UBE2K: variants seen among roughly 807,000 people sequenced by gnomAD.
UBE2K encodes ubiquitin conjugating enzyme E2 K.
A neutral mutation model predicts 30.0 loss-of-function variants in UBE2K; 6 were observed. The observed-to-expected ratio is 0.20, with a 90% confidence interval of 0.11 to 0.39. The LOEUF is 0.39. Ranked by LOEUF, UBE2K falls within the 10% of genes least tolerant of loss-of-function variation. The pLI, the probability that UBE2K is intolerant of heterozygous loss-of-function variation, is 1.00. For synonymous variants in UBE2K, 86 were observed against 83.7 expected (o/e 1.03, Z -0.15); for missense variants, 61 against 241.6 (o/e 0.25, Z 4.96).
chr4:39,741,934 TATC>T (rs1443625313), intron 2 of UBE2K, among the ~76,000 whole-genome samples: 2 of 152,114 alleles, frequency 1.3e-5, no homozygotes, highest in Non-Finnish European at 2.9e-5. Flanking sequence ...ATAATATAGT[TATC>T]ATAAGGATTC....
At chr4:39,755,611 GT>G in intron 3 of UBE2K, 45 bp from the exon 4 acceptor site, 1 of 1,378,502 alleles carries the variant, frequency 7.3e-7, no homozygotes, top group African/African-American at 1.4e-5. Flanking sequence ...TACTTAAACT[GT>G]TTTATTTCTG....
rs373655249 is a variant in UBE2K, at chr4:39,770,538, A to G, written c.300-4296A>G. ...GCTGCCCCCCGCCCCCCGGGCAACC[A>G]TGGCCGCCGCTGCTGCTTCCACCAG... On this transcript the variant is annotated intron_variant, in intron 4 of 6. Transcript: ENST00000261427. The G allele has an allele frequency of 4.5e-5, 72 of 1,598,750 alleles. No homozygotes were observed. The African/African-American group carries it at 8.6e-4, about 19-fold the overall frequency.
chr4:39,716,172 G>T (rs1719046672), intron 1 of UBE2K, among the ~76,000 whole-genome samples: 1 of 152,070 alleles, frequency 6.6e-6, no homozygotes, highest in Non-Finnish European at 1.5e-5. Context: ...CTTGTCTCTG[G>T]AATGTTTGTT....
intron 2 of UBE2K, among the ~76,000 whole-genome samples, chr4:39,740,206 G>A (rs776556855): frequency 7.2e-5 from 11 of 151,796 alleles, no homozygotes; most frequent in Non-Finnish European, 1.3e-4. Flanking sequence ...AAGTATTTTT[G>A]GAAGATAGTA....
At chr4:39,742,185 A>G (rs1275072520) in intron 2 of UBE2K, among the ~76,000 whole-genome samples, 6 of 136,350 alleles carry the variant, frequency 4.4e-5, no homozygotes, top group Admixed American at 4.3e-4. Context: ...GTTTAATCAG[A>G]AAAAAAAAAT....
At position 39,752,290 on chromosome 4, in the gene UBE2K, G is replaced by A. The variant is rs535960120; in HGVS notation, c.217-3367G>A. Among the ~76,000 whole-genome samples the A allele has an allele frequency of 3.2e-4, 47 of 145,964 alleles. 1 individual carries two copies. The South Asian group carries it at 9.8e-3, about 31-fold the overall frequency. ...GACTGCAGTAGCTGGGACTACAGGC[G>A]CCCGCCATCACGCCTGGCTAATTTT... On this transcript the variant is annotated intron_variant, in intron 3 of 6. Transcript: ENST00000261427.
intron 2 of UBE2K, among the ~76,000 whole-genome samples, chr4:39,743,726 A>G: frequency 6.6e-6 from 1 of 152,338 alleles, no homozygotes; most frequent in Non-Finnish European, 1.5e-5. Context: ...TAGTCTTATA[A>G]ATAAATATTT....
chr4:39,775,311 C>T (rs1434994877), intron 5 of UBE2K, among the ~76,000 whole-genome samples: 2 of 152,168 alleles, frequency 1.3e-5, no homozygotes, highest in African/African-American at 4.8e-5. Context: ...TATCATGGGA[C>T]TTATGTGACA....
In UBE2K at chr4:39,766,476, G is replaced by GT. The variant is rs958448358; in HGVS notation, c.300-8346dup. ...CATCCCTTGTCGATTTTTTAACCAG[G>GT]TTTTTTTTTTTTGTTATTGAGTTGT... On this transcript the variant is annotated intron_variant, in intron 4 of 6. Coordinates refer to ENST00000261427, the MANE Select transcript of UBE2K (RefSeq NM_005339.5). 7.4e-3 allele frequency among the ~76,000 whole-genome samples: 1,064 copies of GT among 143,276 alleles called. 5 individuals are homozygous for GT. The highest frequency in any genetic ancestry group is 0.018 in the African/African-American group (691 of 39,440). The allele number at this position is 143,276 out of a possible 152,430, so 94.0% of individuals were successfully genotyped here.
chr4:39,763,264 T>TG (rs1246637198), intron 4 of UBE2K, among the ~76,000 whole-genome samples: 1 of 147,586 alleles, frequency 6.8e-6, no homozygotes, highest in African/African-American at 2.6e-5. Context: ...TTTTTTTTTT[T>TG]CTTTGAGACA....
At chr4:39,711,059 C>T (rs55879903) in intron 1 of UBE2K, among the ~76,000 whole-genome samples, 1 of 149,852 alleles carries the variant, frequency 6.7e-6, no homozygotes, top group Non-Finnish European at 1.5e-5. Flanking sequence ...GTTAATATCT[C>T]CTGAATTTAA....
At chr4:39,709,321 CAAGATGAGGGTT>C (rs1718545967) in intron 1 of UBE2K, among the ~76,000 whole-genome samples, 1 of 151,976 alleles carries the variant, frequency 6.6e-6, no homozygotes, top group Non-Finnish European at 1.5e-5. Flanking sequence ...AAGAAAAGCT[CAAGATGAGGGTT>C]AAGGTACTTC....
At chr4:39,735,430 G>GA (rs368577253) in intron 1 of UBE2K, among the ~76,000 whole-genome samples, 44 of 152,218 alleles carry the variant, frequency 2.9e-4, no homozygotes, top group African/African-American at 9.9e-4. Context: ...ACCCAGGCTG[G>GA]AGTGCAGTGG....
chr4:39,706,207 G>A (rs1212173544), intron 1 of UBE2K, among the ~76,000 whole-genome samples: 2 of 151,804 alleles, frequency 1.3e-5, no homozygotes, highest in Non-Finnish European at 2.9e-5. Flanking sequence ...TAGTAGAGAC[G>A]GGGTTTCACC....
At chr4:39,721,897 T>G (rs959463175) in intron 1 of UBE2K, among the ~76,000 whole-genome samples, 1 of 152,074 alleles carries the variant, frequency 6.6e-6, no homozygotes. Flanking sequence ...GAGACCAGTC[T>G]GGACAACATG....
At chr4:39,708,358 T>C (rs1347417139) in intron 1 of UBE2K, among the ~76,000 whole-genome samples, 1 of 152,098 alleles carries the variant, frequency 6.6e-6, no homozygotes, top group East Asian at 1.9e-4. Flanking sequence ...AGTTAGATCA[T>C]GATCTTAACT....
intron 1 of UBE2K, among the ~76,000 whole-genome samples, chr4:39,702,110 A>T (rs967033249): frequency 1.3e-5 from 2 of 152,052 alleles, no homozygotes; most frequent in African/African-American, 2.4e-5. Flanking sequence ...TTGAAACTTA[A>T]TGAAATAAAA....
intron 1 of UBE2K, chr4:39,714,537 TATA>T (rs1718911307): frequency 1.2e-4 from 5 of 43,280 alleles, no homozygotes; most frequent in African/African-American, 5.8e-4. Flanking sequence ...TATATATATA[TATA>T]TATATATATA....
intron 1 of UBE2K, among the ~76,000 whole-genome samples, chr4:39,700,034 AACAACTGAAAAC>A (rs1205701850): frequency 1.3e-5 from 2 of 152,180 alleles, no homozygotes; most frequent in Admixed American, 6.6e-5. Flanking sequence ...TGTTGTTGCC[AACAACTGAAAAC>A]ATTTCTTGTT....
Sources: gnomAD v4.1 joint callset for allele counts (sites outside exome capture counted in the v4.1 genomes callset) on GRCh38, gnomAD v4.1.1 for gene constraint, MANE v1.5 for transcripts, NCBI Gene and HGNC (gene_info 2026-07-23, HGNC 2026-07-21) for gene names.